The following MICU3 variants were observed in gnomAD, a reference collection of about 807,000 sequenced individuals.
MICU3 encodes the protein mitochondrial calcium uptake 3.
In MICU3, 62 loss-of-function variants were observed where a neutral mutation model predicts 66.5. The observed-to-expected ratio is 0.93, with a 90% CI of 0.76 to 1.15. The LOEUF is 1.15. MICU3 is among the 50% of genes most tolerant of loss of function. The probability of loss-of-function intolerance (pLI) is 0.00; values close to 1 mark genes in which losing one functional copy is unlikely to be tolerated. For synonymous variants in MICU3, 308 were observed against 240.7 expected (o/e 1.28, Z -2.59); for missense variants, 779 against 664.4 (o/e 1.17, Z -1.90).
chr8:17,050,450 A>G (rs1287847062), intron 1 of MICU3, among the ~76,000 whole-genome samples: 1 of 151,944 alleles, frequency 6.6e-6, no homozygotes, highest in Non-Finnish European at 1.5e-5. Flanking sequence ...TTCCATTTTT[A>G]TTGATATTTT....
intron 9 of MICU3, chr8:17,102,879 A>C (rs1295231422): frequency 6.6e-6 from 1 of 152,004 alleles, no homozygotes; most frequent in Non-Finnish European, 1.5e-5. Flanking sequence ...TCAACAAAGT[A>C]AACTGAGAAG....
intron 7 of MICU3, among the ~76,000 whole-genome samples, chr8:17,089,219 A>C (rs977148792): frequency 2.0e-5 from 3 of 152,040 alleles, no homozygotes; most frequent in African/African-American, 7.2e-5. Context: ...CTTCCTTAAA[A>C]CAATTCAGAA....
chr8:17,129,649 G>A, the MICU3 span, among the ~76,000 whole-genome samples: 1 of 152,170 alleles, frequency 6.6e-6, no homozygotes, highest in East Asian at 1.9e-4. Context: ...GCACCTCAGT[G>A]AACTATGGAA....
the MICU3 span, chr8:17,132,851 C>T: frequency 1.3e-5 from 2 of 152,108 alleles, no homozygotes; most frequent in Non-Finnish European, 2.9e-5. Context: ...TAATCACAAA[C>T]GTAATAGTAT....
rs557334533 is a variant in MICU3 at position 17,042,824 on chromosome 8, C to G, written c.381+15164C>G. Among the ~76,000 whole-genome samples, 3 of 151,398 alleles carry G rather than the reference C, an allele frequency of 2.0e-5. No individual in the cohort carries two copies. The East Asian group carries it at 5.9e-4, about 30-fold the overall frequency. ...TTTTCCTGTCTGATAAGGATGATATCTATCCAGTTGACACTGTAAGTATTG... is the reference window on the plus strand; with the variant it reads ...TTTTCCTGTCTGATAAGGATGATATGTATCCAGTTGACACTGTAAGTATTG... On this transcript the variant is annotated intron_variant, in intron 1 of 14. Coordinates refer to ENST00000318063, the MANE Select transcript of MICU3 (RefSeq NM_181723.3).
chr8:17,134,015 T>G, the MICU3 span: 3 of 152,248 alleles, frequency 2.0e-5, no homozygotes, highest in Non-Finnish European at 1.5e-5. Context: ...TTAAAAACTA[T>G]TCATACTGGC....
At chr8:17,123,630 G>T (rs1304896417), downstream of MICU3, among the ~76,000 whole-genome samples, 4 of 152,130 alleles carry the variant, frequency 2.6e-5, no homozygotes, top group Non-Finnish European at 2.9e-5. Context: ...TCTTTGGAGG[G>T]CAATAGAGAA....
At chr8:17,129,426 G>A in the MICU3 span, among the ~76,000 whole-genome samples, 1 of 152,176 alleles carries the variant, frequency 6.6e-6, no homozygotes, top group Admixed American at 6.5e-5. Context: ...AATAGGTAAA[G>A]AGATGGTAAT....
At chr8:17,068,103 A>G (rs929862003) in intron 2 of MICU3, among the ~76,000 whole-genome samples, 7 of 152,210 alleles carry the variant, frequency 4.6e-5, no homozygotes, top group African/African-American at 1.4e-4. Flanking sequence ...TATTAAAAAT[A>G]TAATGAACAT....
chr8:17,085,001 A>G (rs1317790546), intron 5 of MICU3, among the ~76,000 whole-genome samples: 1 of 152,142 alleles, frequency 6.6e-6, no homozygotes, highest in Non-Finnish European at 1.5e-5. Flanking sequence ...GCTTTAGGAA[A>G]GTATTCAAAT....
intron 10 of MICU3, 148 bp from the exon 11 acceptor site, chr8:17,105,265 T>C: frequency 1.9e-6 from 1 of 537,290 alleles, no homozygotes; most frequent in South Asian, 2.8e-5. Context: ...CTTTTCATTC[T>C]CATTTACAGG....
intron 9 of MICU3, among the ~76,000 whole-genome samples, chr8:17,100,322 A>G (rs1242347707): frequency 6.6e-6 from 1 of 151,812 alleles, no homozygotes; most frequent in Non-Finnish European, 1.5e-5. Flanking sequence ...AATTTCATGA[A>G]AGTAAATCTG....
chr8:17,078,994 T>G (rs1820783249), intron 4 of MICU3, among the ~76,000 whole-genome samples: 1 of 152,170 alleles, frequency 6.6e-6, no homozygotes. Context: ...AACATTTTTC[T>G]TAATATACCT....
chr8:17,039,928 A>ATTTTTT, intron 1 of MICU3, among the ~76,000 whole-genome samples: 2 of 40,466 alleles, frequency 4.9e-5, no homozygotes, highest in Non-Finnish European at 1.0e-4. Context: ...TTTTTTTGAG[A>ATTTTTT]TGGAGTTTCG....
chr8:17,043,008 C>T (rs543277778), intron 1 of MICU3, among the ~76,000 whole-genome samples: 196 of 141,382 alleles, frequency 1.4e-3, no homozygotes, highest in African/African-American at 5.2e-3. Context: ...GGCGCTATCC[C>T]GGCTCACTGC....
rs1563407192 is a variant in MICU3 at position 17,120,829 on chromosome 8, T to G, written c.*542T>G. 6.6e-6 allele frequency: 1 copy of G among 152,600 alleles called. No homozygotes were observed. The highest frequency in any genetic ancestry group is 1.5e-5 in the Non-Finnish European group (1 of 67,920). The allele number at this position is 152,600 out of a possible 1,614,324, so 9.5% of individuals were successfully genotyped here. A position where few individuals can be genotyped will look rare whatever the true frequency, so the allele number is the denominator to read the frequency against. ...GATAATTTTGAAAAGAAATAGAAAT[T>G]AAGCTACTATATAAAACAATTGTTT... On this transcript the variant is annotated 3_prime_UTR_variant, in exon 15 of 15. Coordinates refer to ENST00000318063, the MANE Select transcript of MICU3 (RefSeq NM_181723.3).
chr8:17,124,870 C>T (rs1257501596), downstream of MICU3, among the ~76,000 whole-genome samples: 1 of 152,028 alleles, frequency 6.6e-6, no homozygotes, highest in Non-Finnish European at 1.5e-5. Context: ...TGATCCATTA[C>T]CTTTTTCTCT....
the MICU3 span, among the ~76,000 whole-genome samples, chr8:17,133,751 T>G: frequency 2.0e-5 from 3 of 152,286 alleles, no homozygotes; most frequent in Non-Finnish European, 4.4e-5. Context: ...ATTTATGGAA[T>G]AATTCTTCCT....
chr8:17,083,132 G>A (rs781750122), intron 5 of MICU3, among the ~76,000 whole-genome samples: 5 of 152,008 alleles, frequency 3.3e-5, no homozygotes, highest in Non-Finnish European at 7.4e-5. Flanking sequence ...CTGGTTGGTC[G>A]GGTCAAAGAT....
Sources: allele counts gnomAD v4.1 joint callset (sites outside exome capture counted in the v4.1 genomes callset), GRCh38; gene constraint gnomAD v4.1.1; transcripts MANE v1.5; gene names NCBI Gene and HGNC (gene_info 2026-07-23, HGNC 2026-07-21).